Variants in KDM4C observed in about 807,000 individuals in gnomAD.
KDM4C encodes lysine demethylase 4C, also known as lysine-specific demethylase 4C.
Under a neutral mutation model 129.3 loss-of-function variants are expected in KDM4C, and 81 were observed. The observed-to-expected ratio is 0.63, with a 90% CI of 0.52 to 0.75. The LOEUF (loss-of-function observed/expected upper bound fraction) is 0.75, where lower values mean the gene tolerates loss of function less well. Ranked by LOEUF, KDM4C falls within the 30% of genes least tolerant of loss-of-function variation. The pLI, the probability that KDM4C is intolerant of heterozygous loss-of-function variation, is 0.00. For synonymous variants in KDM4C, 573 were observed against 456.1 expected (o/e 1.26, Z -3.26); for missense variants, 1,457 against 1,304.0 (o/e 1.12, Z -1.81).
intron 4 of KDM4C, among the ~76,000 whole-genome samples, chr9:6,837,239 G>A (rs574999156): frequency 2.6e-5 from 4 of 152,124 alleles, no homozygotes; most frequent in South Asian, 2.1e-4. Flanking sequence ...TGTATTTTTT[G>A]TCGAGATGGG....
Position 7,165,293 on chromosome 9 carries a change from A to G in KDM4C, c.2837A>G (p.Lys946Arg). 8 of 1,614,172 alleles carry G rather than the reference A, an allele frequency of 5.0e-6. No homozygotes were observed. The highest frequency in any genetic ancestry group is 6.8e-6 in the Non-Finnish European group (8 of 1,180,008). The change falls in exon 20 of 22, where the codon AAG becomes AGG. Residue 946 changes from lysine to arginine, a missense_variant. By Grantham distance (26) the Lys-to-Arg change is conservative (BLOSUM62 2). Coordinates refer to ENST00000381309, the MANE Select transcript of KDM4C (RefSeq NM_015061.6). ...PPAEGEVVQV[K>R]WPDGKLYGAK... ...GCTGAGGGAGAAGTCGTCCAAGTCA[A>G]GTGGCCCGATGGCAAACTCTATGGA... is the stretch of plus-strand genomic sequence containing the variant.
chr9:6,721,614 A>G (rs1710008037), intron 1 of KDM4C, among the ~76,000 whole-genome samples: 2 of 113,722 alleles, frequency 1.8e-5, no homozygotes, highest in Non-Finnish European at 1.7e-5. Context: ...CCTGAGACGG[A>G]GTCTCGCTCT....
At chr9:6,749,986 CAAAAAAAAA>C (rs57999664) in intron 1 of KDM4C, among the ~76,000 whole-genome samples, 14 of 55,604 alleles carry the variant, frequency 2.5e-4, no homozygotes, top group African/African-American at 4.8e-4. Context: ...AACTCCTTCT[CAAAAAAAAA>C]AAAAAAAAAA....
intron 5 of KDM4C, among the ~76,000 whole-genome samples, chr9:6,851,666 T>C (rs963503124): frequency 6.6e-6 from 1 of 152,148 alleles, no homozygotes; most frequent in Admixed American, 6.5e-5. Context: ...GGACGTTAAT[T>C]TGAGTTTTCA....
At position 6,720,963 on chromosome 9, in the gene KDM4C, G is replaced by A. The variant is rs1349854733; in HGVS notation, c.15G>A (p.Gly5=). Residue 5 remains glycine, a synonymous_variant, in exon 1 of 18, where the codon GGG becomes GGA. Coordinates refer to the KDM4C transcript ENST00000536108. ...AAGGATGTTTGATGAAGCACTATGG[G>A]CTGCCCTGGAAGAGGACTGAAGAAG... 5 of 1,551,624 alleles carry A rather than the reference G, an allele frequency of 3.2e-6. No homozygotes were observed. The East Asian group carries it at 9.8e-5, about 30-fold the overall frequency.
In KDM4C at chr9:6,982,966, C is replaced by T. The variant is rs1399244055; in HGVS notation, c.1116-1200C>T. Among the ~76,000 whole-genome samples, 3 of 152,170 alleles carry T rather than the reference C, an allele frequency of 2.0e-5. No homozygotes were observed. The East Asian group carries it at 5.8e-4, about 29-fold the overall frequency. ...TATTGATCTCCCTTTGGAAATAGCC[C>T]ATTTAGGGAAGTCTGATGAAGGGAA... On this transcript the variant is annotated intron_variant, in intron 9 of 21. Transcript: ENST00000381309.
intron 8 of KDM4C, among the ~76,000 whole-genome samples, chr9:6,933,535 A>G (rs745879335): frequency 1.3e-5 from 2 of 152,226 alleles, no homozygotes; most frequent in Non-Finnish European, 2.9e-5. Flanking sequence ...GCTCTGCAAA[A>G]TTACTTTCAG....
At chr9:6,755,192 A>T (rs1818200048), upstream of KDM4C, among the ~76,000 whole-genome samples, 1 of 152,314 alleles carries the variant, frequency 6.6e-6, no homozygotes, top group Admixed American at 6.5e-5. Context: ...TAACACGGTG[A>T]AACCCCGTCT....
intron 4 of KDM4C, among the ~76,000 whole-genome samples, chr9:6,824,863 G>C (rs528011648): frequency 6.6e-6 from 1 of 151,974 alleles, no homozygotes; most frequent in African/African-American, 2.4e-5. Context: ...GAAGATTGTG[G>C]CCAGGTACGG....
At chr9:7,094,971 C>T (rs753929050) in intron 17 of KDM4C, among the ~76,000 whole-genome samples, 6 of 152,144 alleles carry the variant, frequency 3.9e-5, no homozygotes, top group Admixed American at 1.3e-4. Flanking sequence ...ACTACCCCAG[C>T]GTAGCAGCTT....
chr9:7,132,080 G>T (rs10815526), intron 19 of KDM4C, among the ~76,000 whole-genome samples: 1 of 152,278 alleles, frequency 6.6e-6, no homozygotes, highest in Non-Finnish European at 1.5e-5. Context: ...CTCAGGTACT[G>T]GTTAACTAGA....
At chr9:6,851,900 C>T (rs1838912300) in intron 5 of KDM4C, among the ~76,000 whole-genome samples, 1 of 152,116 alleles carries the variant, frequency 6.6e-6, no homozygotes, top group African/African-American at 2.4e-5. Context: ...TTTCTTGCAG[C>T]TTGTATATGT....
chr9:7,089,279 T>TA (rs1034049492), intron 17 of KDM4C, among the ~76,000 whole-genome samples: 55 of 152,194 alleles, frequency 3.6e-4, no homozygotes, highest in African/African-American at 1.3e-3. Context: ...GAAGTCATCA[T>TA]ATGTTCCTCC....
At chr9:6,993,164 A>G (rs569101735) in intron 12 of KDM4C, among the ~76,000 whole-genome samples, 37 of 152,298 alleles carry the variant, frequency 2.4e-4, no homozygotes, top group African/African-American at 6.3e-4. Flanking sequence ...GCAAAACATG[A>G]AAGTTGGTGG....
chr9:7,025,037 C>T (rs898761533), intron 15 of KDM4C, among the ~76,000 whole-genome samples: 1 of 152,140 alleles, frequency 6.6e-6, no homozygotes, highest in African/African-American at 2.4e-5. Context: ...TATCTAGGTG[C>T]TCCACTGTTG....
chr9:6,741,374 A>G (rs1817686983), intron 1 of KDM4C, among the ~76,000 whole-genome samples: 2 of 152,118 alleles, frequency 1.3e-5, no homozygotes, highest in Admixed American at 1.3e-4. Flanking sequence ...CAGCCTGGGC[A>G]ACAGAGCGAG....
intron 1 of KDM4C, among the ~76,000 whole-genome samples, chr9:6,752,332 C>CAAAAAAA (rs1159747148): frequency 0.016 from 300 of 19,246 alleles, 17 homozygotes; most frequent in Non-Finnish European, 0.023. Context: ...AACTCCGTCT[C>CAAAAAAA]AAAAAAAAAA....
At chr9:6,743,548 C>T (rs1427421189) in intron 1 of KDM4C, among the ~76,000 whole-genome samples, 1 of 151,196 alleles carries the variant, frequency 6.6e-6, no homozygotes, top group Non-Finnish European at 1.5e-5. Flanking sequence ...CACTCTGTCA[C>T]CCAGGCTGGA....
intron 2 of KDM4C, among the ~76,000 whole-genome samples, chr9:6,804,822 C>T (rs1167045583): frequency 1.3e-5 from 2 of 151,460 alleles, no homozygotes; most frequent in Non-Finnish European, 1.5e-5. Flanking sequence ...ATAATATAAA[C>T]AGCACATAGG....
Sources: allele counts gnomAD v4.1 joint callset (sites outside exome capture counted in the v4.1 genomes callset), GRCh38; gene constraint gnomAD v4.1.1; transcripts MANE v1.5; gene names NCBI Gene and HGNC (gene_info 2026-07-23, HGNC 2026-07-21).